Variants in ACTR3C observed in about 807,000 individuals in gnomAD.
The protein encoded by ACTR3C is actin-related protein 3C.
Under a neutral mutation model 26.3 loss-of-function variants are expected in ACTR3C, and 18 were observed. That is an observed-to-expected ratio of 0.68 (90% confidence interval 0.47 to 1.01). The LOEUF (loss-of-function observed/expected upper bound fraction) is 1.01, where lower values mean the gene tolerates loss of function less well. Ranked by LOEUF, ACTR3C falls within the 50% of genes least tolerant of loss-of-function variation. The probability of loss-of-function intolerance (pLI) is 0.00; values close to 1 mark genes in which losing one functional copy is unlikely to be tolerated. For synonymous variants in ACTR3C, 55 were observed against 94.5 expected (o/e 0.58, Z 2.42); for missense variants, 184 against 250.7 (o/e 0.73, Z 1.80).
chr7:150,201,593 C>CAA, the ACTR3C span, among the ~76,000 whole-genome samples: 3,584 of 119,402 alleles, frequency 0.03, 144 homozygotes, highest in African/African-American at 0.098. Flanking sequence ...AGTAAAAATA[C>CAA]AAAAAAAAAA....
the ACTR3C span, among the ~76,000 whole-genome samples, chr7:150,161,202 T>TA: frequency 9.7e-6 from 1 of 103,006 alleles, no homozygotes; most frequent in African/African-American, 4.6e-5. Flanking sequence ...AGGAAAGTAT[T>TA]TATATATATA....
the ACTR3C span, among the ~76,000 whole-genome samples, chr7:150,101,269 G>A: frequency 6.6e-6 from 1 of 151,638 alleles, no homozygotes; most frequent in African/African-American, 2.4e-5. Flanking sequence ...GCATGCCATT[G>A]TGGAGAAATA....
the ACTR3C span, among the ~76,000 whole-genome samples, chr7:150,007,502 C>G: frequency 6.6e-6 from 1 of 152,196 alleles, no homozygotes; most frequent in East Asian, 1.9e-4. Flanking sequence ...AAATCTGCTA[C>G]TGATAATGAT....
intron 6 of ACTR3C, among the ~76,000 whole-genome samples, chr7:150,255,449 G>A (rs1414616573): frequency 1.3e-5 from 2 of 152,132 alleles, no homozygotes; most frequent in African/African-American, 2.4e-5. Context: ...TGTGGGGACT[G>A]CTGTGTATAC....
At chr7:150,048,156 A>T in the ACTR3C span, among the ~76,000 whole-genome samples, 1 of 151,718 alleles carries the variant, frequency 6.6e-6, no homozygotes, top group African/African-American at 2.4e-5. Flanking sequence ...TGCCACAGCC[A>T]CGTACGGCCT....
chr7:149,990,298 CACAT>C, the ACTR3C span, among the ~76,000 whole-genome samples: 1 of 146,474 alleles, frequency 6.8e-6, no homozygotes, highest in Non-Finnish European at 1.5e-5. Flanking sequence ...CAGGAGCATT[CACAT>C]ATCACCTGTT....
the ACTR3C span, among the ~76,000 whole-genome samples, chr7:150,043,936 GATTGGTTGGTT>G: frequency 1.3e-5 from 2 of 152,178 alleles, no homozygotes; most frequent in Non-Finnish European, 2.9e-5. Flanking sequence ...GAGGAAAAAA[GATTGGTTGGTT>G]GTCGAAGACA....
At chr7:150,001,117 A>T in the ACTR3C span, 151 of 152,118 alleles carry the variant, frequency 9.9e-4, no homozygotes, top group Middle Eastern at 6.8e-3. Flanking sequence ...ACCGGAAAAG[A>T]CCTTGTGAAG....
intron 1 of ACTR3C, chr7:150,302,771 G>A (rs1200486150): frequency 6.6e-6 from 1 of 151,838 alleles, no homozygotes; most frequent in East Asian, 1.9e-4. Context: ...TATGGCTGTG[G>A]GGCAAGATCA....
the ACTR3C span, among the ~76,000 whole-genome samples, chr7:149,970,436 G>A: frequency 6.6e-6 from 1 of 152,138 alleles, no homozygotes; most frequent in East Asian, 1.9e-4. Context: ...TGTTGTGTAA[G>A]GAAAAACGAC....
intron 6 of ACTR3C, among the ~76,000 whole-genome samples, chr7:150,281,855 C>CT (rs1835370989): frequency 6.8e-6 from 1 of 147,478 alleles, no homozygotes; most frequent in Non-Finnish European, 1.5e-5. Flanking sequence ...TTCGGCTGCT[C>CT]TGGCAGAACT....
chr7:150,107,855 G>A, the ACTR3C span, among the ~76,000 whole-genome samples: 1 of 151,954 alleles, frequency 6.6e-6, no homozygotes, highest in African/African-American at 2.4e-5. Flanking sequence ...CCCTTATAGG[G>A]TGAGGAACTG....
At chr7:150,145,920 TAA>T in the ACTR3C span, among the ~76,000 whole-genome samples, 429 of 146,728 alleles carry the variant, frequency 2.9e-3, 1 homozygote, top group African/African-American at 0.01. Context: ...AGTATTTATG[TAA>T]AAGAGATTAT....
At chr7:150,047,767 C>A in the ACTR3C span, 63 of 1,508,822 alleles carry the variant, frequency 4.2e-5, no homozygotes, top group East Asian at 1.6e-3. Flanking sequence ...GGCCCCTGGC[C>A]GCCCAGGAGG....
chr7:150,163,276 A>G, the ACTR3C span, among the ~76,000 whole-genome samples: 2 of 152,246 alleles, frequency 1.3e-5, no homozygotes, highest in East Asian at 3.9e-4. Context: ...AGTAAGGAGT[A>G]CAGATATCTG....
At chr7:150,039,375 G>C in the ACTR3C span, among the ~76,000 whole-genome samples, 1 of 97,880 alleles carries the variant, frequency 1.0e-5, no homozygotes, top group Non-Finnish European at 2.5e-5. Context: ...CTCCTGCGAT[G>C]GGGGTCCTAA....
intron 6 of ACTR3C, among the ~76,000 whole-genome samples, chr7:150,261,309 T>G (rs1280410201): frequency 6.6e-6 from 1 of 152,062 alleles, no homozygotes. Context: ...AGATGTAATT[T>G]TTCCCTTGTA....
At chr7:150,055,761 T>C in the ACTR3C span, among the ~76,000 whole-genome samples, 2 of 152,108 alleles carry the variant, frequency 1.3e-5, no homozygotes, top group Non-Finnish European at 2.9e-5. Context: ...TGCCAGAACA[T>C]ATGCAGTTTG....
chr7:150,272,227 C>T (rs1834502259), intron 6 of ACTR3C, among the ~76,000 whole-genome samples: 1 of 140,198 alleles, frequency 7.1e-6, no homozygotes, highest in Non-Finnish European at 1.5e-5. Context: ...AAAATGTATT[C>T]AGCAGGAGTC....
Sources: allele counts gnomAD v4.1 joint callset (sites outside exome capture counted in the v4.1 genomes callset), GRCh38; gene constraint gnomAD v4.1.1; transcripts MANE v1.5; gene names NCBI Gene and HGNC (gene_info 2026-07-23, HGNC 2026-07-21).